The following MARCHF7 variants were observed in gnomAD, a reference collection of about 807,000 sequenced individuals.
The protein encoded by MARCHF7 is membrane associated ring-CH-type finger 7, also known as E3 ubiquitin-protein ligase MARCHF7.
Under a neutral mutation model 76.5 loss-of-function variants are expected in MARCHF7, and 20 were observed. That is an observed-to-expected ratio of 0.26 (90% CI 0.18 to 0.38). The LOEUF (loss-of-function observed/expected upper bound fraction) is 0.38. Ranked by LOEUF, MARCHF7 falls within the 10% of genes least tolerant of loss-of-function variation. The pLI, the probability that MARCHF7 is intolerant of heterozygous loss-of-function variation, is 1.00. For missense variants in MARCHF7, 797 were observed against 812.9 expected, an observed-to-expected ratio of 0.98 and a Z score of 0.24; for synonymous variants, 295 against 293.0, an observed-to-expected ratio of 1.01 and a Z score of -0.07.
chr2:159,740,167 AT>A (rs1703960155), intron 4 of MARCHF7, among the ~76,000 whole-genome samples: 1 of 152,036 alleles, frequency 6.6e-6, no homozygotes, highest in Admixed American at 6.6e-5. Flanking sequence ...TGGCTTCCTA[AT>A]TGGTTTTCTT....
chr2:159,751,500 G>A (rs535007842), intron 7 of MARCHF7, among the ~76,000 whole-genome samples: 2 of 152,250 alleles, frequency 1.3e-5, no homozygotes, highest in Non-Finnish European at 2.9e-5. Context: ...TATGCTTGAG[G>A]TTATGTCTGA....
At chr2:159,752,156 C>G (rs1705730944) in intron 7 of MARCHF7, among the ~76,000 whole-genome samples, 1 of 152,150 alleles carries the variant, frequency 6.6e-6, no homozygotes, top group Non-Finnish European at 1.5e-5. Flanking sequence ...ATAGGTTAGC[C>G]TATTTTACTT....
intron 6 of MARCHF7, among the ~76,000 whole-genome samples, chr2:159,746,823 A>C (rs1443720800): frequency 2.0e-5 from 3 of 152,232 alleles, no homozygotes; most frequent in African/African-American, 7.2e-5. Context: ...GTAGGAAATA[A>C]TGTTTTGTTT....
At chr2:159,740,509 T>C (rs1704003034) in intron 4 of MARCHF7, among the ~76,000 whole-genome samples, 1 of 152,210 alleles carries the variant, frequency 6.6e-6, no homozygotes, top group Non-Finnish European at 1.5e-5. Flanking sequence ...TTTTTTTATT[T>C]TGGTCTCTGA....
intron 8 of MARCHF7, among the ~76,000 whole-genome samples, chr2:159,756,702 A>C (rs1198173342): frequency 2.0e-5 from 3 of 151,182 alleles, no homozygotes; most frequent in Non-Finnish European, 4.4e-5. Context: ...AAAAAAAAAA[A>C]AAAAAAAAAA....
At chr2:159,763,472 C>T (rs1489935795) in intron 10 of MARCHF7, among the ~76,000 whole-genome samples, 4 of 152,158 alleles carry the variant, frequency 2.6e-5, no homozygotes, top group African/African-American at 7.2e-5. Context: ...TGGTTGTTTA[C>T]TGTGTGTGCT....
At chr2:159,726,452 CG>C (rs1702186688) in intron 3 of MARCHF7, among the ~76,000 whole-genome samples, 1 of 151,932 alleles carries the variant, frequency 6.6e-6, no homozygotes, top group African/African-American at 2.4e-5. Context: ...TTAGTGGAGA[CG>C]GGGTTTCACT....
chr2:159,736,214 A>G (rs1422130413), intron 4 of MARCHF7, among the ~76,000 whole-genome samples: 1 of 152,222 alleles, frequency 6.6e-6, no homozygotes, highest in Non-Finnish European at 1.5e-5. Flanking sequence ...CAAACTGGCT[A>G]GATCATTTTA....
intron 7 of MARCHF7, 145 bp downstream of exon 7, chr2:159,749,048 G>A (rs539237418): frequency 2.0e-4 from 186 of 930,416 alleles, no homozygotes; most frequent in Non-Finnish European, 2.6e-4. Flanking sequence ...GCACCATCTC[G>A]GCTCACTGCA....
chr2:159,743,582 T>C (rs984387863), intron 5 of MARCHF7, among the ~76,000 whole-genome samples: 1 of 152,194 alleles, frequency 6.6e-6, no homozygotes, highest in Non-Finnish European at 1.5e-5. Context: ...TCTACTGATA[T>C]GTTTAAAATA....
At chr2:159,737,801 A>C (rs1481488064) in intron 4 of MARCHF7, among the ~76,000 whole-genome samples, 3 of 152,326 alleles carry the variant, frequency 2.0e-5, no homozygotes. Context: ...AATTAAAAAA[A>C]AAGATGGACA....
In MARCHF7 at chr2:159,770,423, G is replaced by GAT. The variant is rs1486911121; in HGVS notation, c.*3082_*3083dup. 1.3e-5 allele frequency: 2 copies of GAT among 152,134 alleles called. No homozygotes were observed. Among genetic ancestry groups the GAT allele is most frequent in the East Asian group, 3.9e-4 (2 of 5,194 alleles). 9.4% of individuals were successfully genotyped at this position (152,134 alleles called of 1,614,324 possible). A position where few individuals can be genotyped will look rare whatever the true frequency, so the allele number is the denominator to read the frequency against. On this transcript the variant is annotated 3_prime_UTR_variant, in exon 12 of 12. Coordinates refer to ENST00000409175, the MANE Select transcript of MARCHF7 (RefSeq NM_001282805.2). Reference sequence around the variant, plus strand: ...CATTAATGATAGTGCCATTAATTGTGATGAGTGTTTTCGATTCATGTGGTC... The same window carrying GAT: ...CATTAATGATAGTGCCATTAATTGTGATATGAGTGTTTTCGATTCATGTGGTC...
Position 159,748,350 on chromosome 2 carries a change from A to G in MARCHF7, c.1060A>G (p.Arg354Gly), listed in dbSNP as rs1470987842. ...ASQGFRFLRRRWGLSSLSHNH... is the reference protein window; with the variant it reads ...ASQGFRFLRRGWGLSSLSHNH... Reference sequence around the variant, plus strand: ...TCAGGGATTTCGATTTCTTAGGCGAAGATGGGGTTTGTCATCTCTTAGCCA... The same window carrying G: ...TCAGGGATTTCGATTTCTTAGGCGAGGATGGGGTTTGTCATCTCTTAGCCA... The change falls in exon 7 of 12, where the codon AGA becomes GGA. Residue 354 changes from arginine to glycine, a missense_variant. By Grantham distance (125) the Arg-to-Gly change is moderately radical (BLOSUM62 -2). This residue lies in a region of MARCHF7 where 643 missense variants were observed against 631.5 expected (regional missense o/e 1.02). Transcript: ENST00000409175. 2 of 1,613,794 alleles carry G rather than the reference A, an allele frequency of 1.2e-6. No individual in the cohort carries two copies. The highest frequency in any genetic ancestry group is 1.7e-6 in the Non-Finnish European group (2 of 1,180,020).
Position 159,742,968 on chromosome 2 carries a change from T to C in MARCHF7, c.154-93T>C, listed in dbSNP as rs931504963. On this transcript the variant is annotated intron_variant, in intron 4 of 11. Transcript: ENST00000409175. ...AAAAAAGAACTACGTGGTAGAAAAA[T>C]TGATGCTTGTGGGAATTTATTAGAG... 3 of 1,153,102 alleles carry C rather than the reference T, an allele frequency of 2.6e-6. No individual in the cohort carries two copies. In the African/African-American group the frequency reaches 4.7e-5, roughly 18 times the overall value. 71.4% of individuals were successfully genotyped at this position (1,153,102 alleles called of 1,614,324 possible).
At chr2:159,753,439 C>G (rs1276609316) in intron 8 of MARCHF7, among the ~76,000 whole-genome samples, 1 of 151,832 alleles carries the variant, frequency 6.6e-6, no homozygotes, top group South Asian at 2.1e-4. Flanking sequence ...AACCTGGTGG[C>G]GGGCGCCTGT....
intron 4 of MARCHF7, among the ~76,000 whole-genome samples, chr2:159,730,036 T>C (rs1452925423): frequency 6.6e-6 from 1 of 152,222 alleles, no homozygotes; most frequent in East Asian, 1.9e-4. Context: ...TATGTCCATC[T>C]ACTCTTATGT....
chr2:159,745,852 G>T lies in MARCHF7; in HGVS notation c.429G>T (p.Arg143Ser). The change falls in exon 6 of 12, where the codon AGG becomes AGT. Residue 143 changes from arginine to serine, a missense_variant. Coordinates refer to ENST00000409175, the MANE Select transcript of MARCHF7 (RefSeq NM_001282805.2). ...GSFGTDLMRE[R>S]RDLERRTDSS... ...TTGGAACAGACTTAATGAGAGAGAG[G>T]AGAGATTTGGAGAGAAGAACAGATT... 6.2e-7 allele frequency: 1 copy of T among 1,612,650 alleles called. No homozygotes were observed. Among genetic ancestry groups the T allele is most frequent in the South Asian group, 1.1e-5 (1 of 91,000 alleles).
At chr2:159,740,246 T>C (rs1288754951) in intron 4 of MARCHF7, among the ~76,000 whole-genome samples, 2 of 152,074 alleles carry the variant, frequency 1.3e-5, no homozygotes, top group Admixed American at 1.3e-4. Context: ...ATCTGATTTA[T>C]CCCCCCCTTC....
intron 2 of MARCHF7, 97 bp downstream of exon 2, chr2:159,714,695 G>T (rs988929535): frequency 6.6e-6 from 1 of 152,548 alleles, no homozygotes; most frequent in African/African-American, 2.4e-5. Context: ...CACTTTGGGA[G>T]GCCAAGGTGG....
Sources: gnomAD v4.1 joint callset for allele counts (sites outside exome capture counted in the v4.1 genomes callset) on GRCh38, gnomAD v4.1.1 for gene constraint, gnomAD v4.1.1 regional missense constraint, MANE v1.5 for transcripts, NCBI Gene and HGNC (gene_info 2026-07-23, HGNC 2026-07-21) for gene names.